The following NUS1 variants were observed in gnomAD, a reference collection of about 807,000 sequenced individuals.
NUS1 encodes NUS1 dehydrodolichyl diphosphate synthase subunit, also known as dehydrodolichyl diphosphate synthase complex subunit NUS1.
For synonymous variants in NUS1, 135 were observed against 155.2 expected (o/e 0.87, Z 0.97); for missense variants, 292 against 382.9 (o/e 0.76, Z 1.98).
At position 117,676,076 on chromosome 6, in the gene NUS1, G is replaced by A; in HGVS notation, c.406G>A (p.Asp136Asn). The change falls in exon 1 of 5, where the codon GAC becomes AAC. Residue 136 changes from aspartate to asparagine, a missense_variant. Physicochemically the swap from Asp to Asn is conservative, Grantham distance 23. Transcript: ENST00000368494. ...GGGCATCTCCTACATTAGCGTCTAC[G>A]ACCACCAAGGTGAGGCCCGGTGCGG... The part of the protein sequence containing the change: ...AVGISYISVY[D>N]HQGIFKRNNS... 6.4e-7 allele frequency: 1 copy of A among 1,550,878 alleles called. No homozygotes were observed. Among genetic ancestry groups the A allele is most frequent in the Non-Finnish European group, 8.7e-7 (1 of 1,147,248 alleles).
At chr6:117,690,129 A>C (rs1449225112) in intron 1 of NUS1, among the ~76,000 whole-genome samples, 1 of 152,204 alleles carries the variant, frequency 6.6e-6, no homozygotes, top group Non-Finnish European at 1.5e-5. Context: ...ATTGCCATTC[A>C]AATAGCTCCT....
intron 1 of NUS1, among the ~76,000 whole-genome samples, chr6:117,682,739 A>G (rs1773080545): frequency 6.6e-6 from 1 of 152,248 alleles, no homozygotes; most frequent in African/African-American, 2.4e-5. Flanking sequence ...GCCAGGTTCC[A>G]AATCTAGTAA....
At chr6:117,685,814 C>A (rs1396815786) in intron 1 of NUS1, among the ~76,000 whole-genome samples, 1 of 152,140 alleles carries the variant, frequency 6.6e-6, no homozygotes, top group Non-Finnish European at 1.5e-5. Flanking sequence ...ATTCAAATAT[C>A]TGTTTGCCCT....
chr6:117,675,513 C>A lies in NUS1; in HGVS notation c.-158C>A, dbSNP rs2043968918. The A allele has an allele frequency of 6.2e-6, 4 of 643,472 alleles. No homozygotes were observed. In the Admixed American group the frequency reaches 9.5e-5, roughly 15 times the overall value. The allele number at this position is 643,472 out of a possible 1,614,324, so 39.9% of individuals were successfully genotyped here. A position where few individuals can be genotyped will look rare whatever the true frequency, so the allele number is the denominator to read the frequency against. On this transcript the variant is annotated 5_prime_UTR_variant, in exon 1 of 5. Coordinates refer to ENST00000368494, the MANE Select transcript of NUS1 (RefSeq NM_138459.5). Reference sequence around the variant, plus strand: ...TGCCAAGGGAGGAGGAAGATGGCGGCGGGGGCGAGGTGAGGTGTTGGCAGT... The same window carrying A: ...TGCCAAGGGAGGAGGAAGATGGCGGAGGGGGCGAGGTGAGGTGTTGGCAGT...
At chr6:117,706,902 C>T (rs780344229) in intron 4 of NUS1, 23 bp from the exon 5 acceptor site, 13 of 1,594,772 alleles carry the variant, frequency 8.2e-6, no homozygotes, top group Non-Finnish European at 1.0e-5. Context: ...AATTGCTTTT[C>T]TCCCCCCGTG....
chr6:117,706,496 G>A (rs1215747048), intron 4 of NUS1, among the ~76,000 whole-genome samples: 2 of 152,164 alleles, frequency 1.3e-5, no homozygotes, highest in Admixed American at 6.5e-5. Flanking sequence ...ATTACTAGTT[G>A]CTTTTCTTGT....
intron 1 of NUS1, among the ~76,000 whole-genome samples, chr6:117,690,979 CAAA>C (rs71736900): frequency 2.7e-5 from 2 of 73,292 alleles, no homozygotes; most frequent in African/African-American, 6.0e-5. Context: ...GAGTCTGTCT[CAAA>C]AAAAAAAAAA....
At chr6:117,691,558 GATATATATATAT>G (rs60775803) in intron 1 of NUS1, among the ~76,000 whole-genome samples, 21 of 136,964 alleles carry the variant, frequency 1.5e-4, no homozygotes, top group Admixed American at 9.6e-4. Flanking sequence ...CATAGATATA[GATATATATATAT>G]ATATATATAT....
chr6:117,701,281 G>A (rs923705472), intron 3 of NUS1, among the ~76,000 whole-genome samples: 3 of 134,640 alleles, frequency 2.2e-5, no homozygotes, highest in African/African-American at 8.3e-5. Context: ...GTCTCGCTCT[G>A]TCGCCCAGGC....
In NUS1 at chr6:117,709,798, AAG is replaced by A. The variant is rs1773550621; in HGVS notation, c.*2785_*2786del. 1 of 152,598 alleles carries A rather than the reference AAG, an allele frequency of 6.6e-6. No individual in the cohort carries two copies. The highest frequency in any genetic ancestry group is 2.4e-5 in the African/African-American group (1 of 41,456). 9.5% of individuals were successfully genotyped at this position (152,598 alleles called of 1,614,324 possible). Reference sequence around the variant, plus strand: ...AACATGTATGAACAAAAACCAATAAAAGAATATACTCTTTTCATTGACTATAG... The same window carrying A: ...AACATGTATGAACAAAAACCAATAAAAATATACTCTTTTCATTGACTATAG... On this transcript the variant is annotated 3_prime_UTR_variant, in exon 5 of 5. Coordinates refer to ENST00000368494, the MANE Select transcript of NUS1 (RefSeq NM_138459.5).
At position 117,694,114 on chromosome 6, in the gene NUS1, C is replaced by A. The variant is rs1773282106; in HGVS notation, c.625C>A (p.Gln209Lys). ...DIVRAAQDFC[Q>K]LVAQKQKRPT... The stretch of plus-strand genomic sequence containing the variant: ...TGTAAGAGCTGCTCAGGACTTTTGC[C>A]AGTTAGTAGCCCAGAAGCAAAAGAG... Residue 209 changes from glutamine to lysine, a missense_variant, in exon 3 of 5, where the codon CAG becomes AAG. Transcript: ENST00000368494. The A allele has an allele frequency of 1.9e-6, 3 of 1,612,496 alleles. No individual in the cohort carries two copies. Among genetic ancestry groups the A allele is most frequent in the Non-Finnish European group, 2.5e-6 (3 of 1,179,144 alleles).
At chr6:117,693,537 G>A (rs951749320) in intron 2 of NUS1, among the ~76,000 whole-genome samples, 7 of 152,110 alleles carry the variant, frequency 4.6e-5, no homozygotes, top group African/African-American at 1.7e-4. Context: ...TAAGAATTTT[G>A]CAGTGTTATC....
intron 1 of NUS1, among the ~76,000 whole-genome samples, chr6:117,679,689 T>C (rs1773033250): frequency 6.6e-6 from 1 of 152,302 alleles, no homozygotes; most frequent in African/African-American, 2.4e-5. Flanking sequence ...GGAGGTTGAC[T>C]TCAGGGTAAC....
At chr6:117,692,097 A>T (rs1255127805) in intron 1 of NUS1, among the ~76,000 whole-genome samples, 2 of 152,108 alleles carry the variant, frequency 1.3e-5, no homozygotes, top group East Asian at 3.9e-4. Context: ...AAAGAAATTG[A>T]ATCTTTGCTG....
chr6:117,702,583 C>T (rs1484658581), intron 3 of NUS1, among the ~76,000 whole-genome samples: 8 of 152,152 alleles, frequency 5.3e-5, no homozygotes, highest in Non-Finnish European at 1.2e-4. Flanking sequence ...ATTTGCCACC[C>T]TCTTTACATC....
chr6:117,690,366 G>A (rs550790792), intron 1 of NUS1, among the ~76,000 whole-genome samples: 11 of 152,082 alleles, frequency 7.2e-5, no homozygotes, highest in African/African-American at 1.2e-4. Context: ...CTTACTAATC[G>A]TTATTCTTGT....
At chr6:117,684,197 A>G (rs562799209) in intron 1 of NUS1, among the ~76,000 whole-genome samples, 19 of 152,334 alleles carry the variant, frequency 1.2e-4, no homozygotes, top group South Asian at 1.2e-3. Context: ...CCATAGCAGT[A>G]GTTTGCTGAC....
chr6:117,701,025 A>AT (rs35549395), intron 3 of NUS1, among the ~76,000 whole-genome samples: 16,186 of 144,152 alleles, frequency 0.11, 883 homozygotes, highest in South Asian at 0.17. Flanking sequence ...ATTGAATAAG[A>AT]TTTTTTTTTT....
intron 1 of NUS1, among the ~76,000 whole-genome samples, chr6:117,677,327 A>C (rs1772998887): frequency 6.6e-6 from 1 of 152,206 alleles, no homozygotes; most frequent in Admixed American, 6.5e-5. Flanking sequence ...TGAGAAGTTC[A>C]TGCAGTGGAG....
Sources: allele counts gnomAD v4.1 joint callset (sites outside exome capture counted in the v4.1 genomes callset), GRCh38; gene constraint gnomAD v4.1.1; transcripts MANE v1.5; gene names NCBI Gene and HGNC (gene_info 2026-07-23, HGNC 2026-07-21).